The following PLB1 variants were observed in gnomAD, a reference collection of about 807,000 sequenced individuals.
The protein encoded by PLB1 is phospholipase B1, also known as phospholipase B1, membrane-associated.
PLB1 carries 242 observed loss-of-function variants against 227.4 expected under a neutral mutation model. The ratio of observed to expected loss-of-function variants is 1.06; its 90% CI spans 0.96 to 1.18. The LOEUF is 1.18. Ranked by LOEUF, PLB1 falls within the 50% of genes most tolerant of loss-of-function variation. PLB1 has a pLI of 0.00. For missense variants in PLB1, 1,858 were observed against 1,816.3 expected, an observed-to-expected ratio of 1.02 and a Z score of -0.42; for synonymous variants, 757 against 682.2, an observed-to-expected ratio of 1.11 and a Z score of -1.71.
At chr2:28,583,812 G>A (rs1192257030) in intron 25 of PLB1, among the ~76,000 whole-genome samples, 1 of 151,626 alleles carries the variant, frequency 6.6e-6, no homozygotes, top group African/African-American at 2.4e-5. Flanking sequence ...GTAAAGATGT[G>A]GCTTAAAACG....
In PLB1 at chr2:28,603,956, CTTTGTGCAGCGT is replaced by C; in HGVS notation, c.2775-3_2783del. ...GCTCTGGGGCCTCCTGCCTCCCCCT[CTTTGTGCAGCGT>C]TTTGTGTAACTGCGTTCTGACCCTG... is the stretch of plus-strand genomic sequence containing the variant. On this transcript the variant is annotated splice_acceptor_variant and splice_polypyrimidine_tract_variant and coding_sequence_variant and intron_variant, in exon 40 of 58. Coordinates refer to ENST00000327757, the MANE Select transcript of PLB1 (RefSeq NM_153021.5). LOFTEE classifies it high-confidence loss of function. 4 of 1,613,868 alleles carry C rather than the reference CTTTGTGCAGCGT, an allele frequency of 2.5e-6. No homozygotes were observed. Among genetic ancestry groups the C allele is most frequent in the Non-Finnish European group, 3.4e-6 (4 of 1,179,728 alleles).
chr2:28,640,179 T>C (rs1239156292), intron 56 of PLB1, among the ~76,000 whole-genome samples: 7 of 151,658 alleles, frequency 4.6e-5, no homozygotes, highest in African/African-American at 1.5e-4. Flanking sequence ...ACACAAAGAG[T>C]GGAGGCTAGA....
intron 43 of PLB1, among the ~76,000 whole-genome samples, chr2:28,607,675 C>A (rs891260544): frequency 6.6e-6 from 1 of 152,070 alleles, no homozygotes; most frequent in African/African-American, 2.4e-5. Flanking sequence ...CTTAGAGGCC[C>A]CTACTGTGCC....
intron 4 of PLB1, among the ~76,000 whole-genome samples, chr2:28,521,688 A>C (rs1343854665): frequency 6.6e-6 from 1 of 152,202 alleles, no homozygotes; most frequent in Non-Finnish European, 1.5e-5. Flanking sequence ...GGATAGAAGA[A>C]GGTAGGAGAG....
chr2:28,581,724 T>A (rs959099611), intron 23 of PLB1, among the ~76,000 whole-genome samples: 6 of 151,742 alleles, frequency 4.0e-5, no homozygotes, highest in Non-Finnish European at 7.4e-5. Flanking sequence ...TCCCAGCACT[T>A]TGGGAGGCTG....
intron 38 of PLB1, among the ~76,000 whole-genome samples, chr2:28,602,358 C>T (rs762213325): frequency 3.9e-5 from 6 of 152,202 alleles, no homozygotes; most frequent in Non-Finnish European, 7.4e-5. Flanking sequence ...CAGCACATTC[C>T]CCCTCCACCA....
intron 35 of PLB1, among the ~76,000 whole-genome samples, chr2:28,599,936 T>C (rs1158433881): frequency 6.6e-6 from 1 of 150,390 alleles, no homozygotes; most frequent in Non-Finnish European, 1.5e-5. Context: ...TAAGATGGGG[T>C]TTCACTCTGT....
At chr2:28,497,232 G>A (rs957590828) in intron 1 of PLB1, among the ~76,000 whole-genome samples, 1 of 152,130 alleles carries the variant, frequency 6.6e-6, no homozygotes, top group African/African-American at 2.4e-5. Flanking sequence ...CAAATATCTT[G>A]TTCCACTCTG....
chr2:28,614,003 C>A (rs935993044), intron 43 of PLB1, 28 bp from the exon 44 acceptor site: 1 of 1,584,088 alleles, frequency 6.3e-7, no homozygotes, highest in South Asian at 1.1e-5. Flanking sequence ...TGTCAGATAA[C>A]TTCTCCATGT....
At chr2:28,634,516 T>TAAA (rs1292650372) in intron 56 of PLB1, among the ~76,000 whole-genome samples, 1 of 152,128 alleles carries the variant, frequency 6.6e-6, no homozygotes, top group African/African-American at 2.4e-5. Flanking sequence ...CAAGTCTGCT[T>TAAA]AAATCTGGGA....
Position 28,618,387 on chromosome 2 carries a change from T to A in PLB1, c.3303T>A (p.Gly1101=). The stretch of plus-strand genomic sequence containing the variant: ...ACATCAAAGTGGTGGCCGCCCTGGG[T>A]GACTCTCTGACTGTGAGTAGTGAGC... ...PADIKVVAAL[G]DSLTTAVGAR... is the part of the protein sequence containing the mutation. The change falls in exon 46 of 58, where the codon GGT becomes GGA. Residue 1101 remains glycine, a synonymous_variant. Transcript: ENST00000327757. 3 of 1,614,018 alleles carry A rather than the reference T, an allele frequency of 1.9e-6. No homozygotes were observed. The highest frequency in any genetic ancestry group is 2.5e-6 in the Non-Finnish European group (3 of 1,179,964).
At chr2:28,562,163 A>T (rs11884900) in intron 17 of PLB1, among the ~76,000 whole-genome samples, 13,336 of 152,178 alleles carry the variant, frequency 0.088, 853 homozygotes, top group African/African-American at 0.18. Context: ...TAGAGGTGAT[A>T]GTTGCACAAC....
intron 33 of PLB1, among the ~76,000 whole-genome samples, chr2:28,596,317 T>G (rs1030834377): frequency 2.0e-5 from 3 of 152,232 alleles, no homozygotes; most frequent in Admixed American, 2.0e-4. Context: ...AATGAGAGTT[T>G]GAATATTTTT....
intron 56 of PLB1, 150 bp downstream of exon 56, chr2:28,633,189 TTCC>T (rs1558969256): frequency 1.5e-5 from 9 of 610,342 alleles, no homozygotes; most frequent in South Asian, 2.0e-5. Flanking sequence ...GATAGATTAA[TTCC>T]AAAGGGAAAA....
chr2:28,632,917 T>C (rs1186825345), intron 55 of PLB1, 27 bp from the exon 56 acceptor site: 2 of 1,578,696 alleles, frequency 1.3e-6, no homozygotes, highest in South Asian at 2.2e-5. Flanking sequence ...TTTCCCAGGA[T>C]GATAACCTCC....
At chr2:28,518,003 A>G (rs989154518) in intron 2 of PLB1, among the ~76,000 whole-genome samples, 35 of 151,608 alleles carry the variant, frequency 2.3e-4, no homozygotes, top group African/African-American at 8.5e-4. Context: ...CCTCCCAAGT[A>G]ACTGGGATTA....
chr2:28,592,809 C>A, intron 32 of PLB1, 90 bp downstream of exon 32: 2 of 1,250,618 alleles, frequency 1.6e-6, no homozygotes, highest in Non-Finnish European at 2.3e-6. Context: ...CATGCCTGTC[C>A]TCTGCCTTAT....
chr2:28,632,206 C>T (rs1400381587), intron 55 of PLB1, 66 bp downstream of exon 55: 7 of 1,324,680 alleles, frequency 5.3e-6, no homozygotes, highest in African/African-American at 1.5e-5. Context: ...GGATGTATTT[C>T]CTTCTCTAAG....
intron 31 of PLB1, among the ~76,000 whole-genome samples, chr2:28,592,116 C>A (rs984661250): frequency 6.6e-6 from 1 of 152,138 alleles, no homozygotes. Context: ...CAATCACTGC[C>A]GCCTACAGTA....
Sources: gnomAD v4.1 joint callset for allele counts (sites outside exome capture counted in the v4.1 genomes callset) on GRCh38, gnomAD v4.1.1 for gene constraint, MANE v1.5 for transcripts, NCBI Gene and HGNC (gene_info 2026-07-23, HGNC 2026-07-21) for gene names.